Variants in GSG1L observed in about 807,000 individuals in gnomAD.
GSG1L encodes germ cell-specific gene 1-like protein.
Under a neutral mutation model 42.1 loss-of-function variants are expected in GSG1L, and 24 were observed. The observed-to-expected ratio is 0.57, with a 90% CI of 0.41 to 0.80. GSG1L has a LOEUF of 0.80. Among genes scored for constraint, GSG1L ranks in the 30% least tolerant of loss-of-function variants. The probability of loss-of-function intolerance (pLI) is 0.00; values close to 1 mark genes in which losing one functional copy is unlikely to be tolerated. For synonymous variants in GSG1L, 215 were observed against 203.5 expected (o/e 1.06, Z -0.48); for missense variants, 445 against 472.2 (o/e 0.94, Z 0.53).
Position 27,946,579 on chromosome 16 carries a change from AAGAGAGAGAGAG to A in GSG1L, c.397+16565_397+16576del, listed in dbSNP as rs1166800286. On this transcript the variant is annotated intron_variant, in intron 2 of 6. Transcript: ENST00000447459. ...AAAGAAAGAAAGAAAGAAAGAAAGA[AAGAGAGAGAGAG>A]AGAGAGAGAGAGAGAGAGAGAGAGA... 1.0e-3 allele frequency among the ~76,000 whole-genome samples: 37 copies of A among 37,028 alleles called. No individual in the cohort carries two copies. The South Asian group carries it at 0.012, about 12-fold the overall frequency. 24.3% of individuals were successfully genotyped at this position (37,028 alleles called of 152,430 possible).
At chr16:27,797,103 G>A (rs954212797) in intron 6 of GSG1L, among the ~76,000 whole-genome samples, 2 of 152,206 alleles carry the variant, frequency 1.3e-5, no homozygotes, top group Admixed American at 6.5e-5. Flanking sequence ...TGAGGAAACC[G>A]AGGTCCAGAT....
At chr16:28,012,973 CCATCACT>C (rs2141157826) in intron 1 of GSG1L, among the ~76,000 whole-genome samples, 1 of 150,638 alleles carries the variant, frequency 6.6e-6, no homozygotes, top group South Asian at 2.1e-4. Flanking sequence ...ACCTGTAATC[CCATCACT>C]TTGGGAGGCC....
chr16:28,063,074 A>G lies in GSG1L; in HGVS notation c.349+2T>C. On this transcript the variant is annotated splice_donor_variant, in intron 1 of 6. Transcript: ENST00000447459. LOFTEE classifies it high-confidence loss of function. This position sits in a 1 kb window ranked among gnomAD's most constrained non-coding sequence, Gnocchi z 5.8. The stretch of plus-strand genomic sequence containing the variant: ...AGCTGGCCGCCGCCCGCGCGCACTC[A>G]CCAAGCCCGCTGAGCTCCTCCTCGC... The G allele has an allele frequency of 7.0e-7, 1 of 1,423,370 alleles. No homozygotes were observed. The allele number at this position is 1,423,370 out of a possible 1,614,324, so 88.2% of individuals were successfully genotyped here. A position where few individuals can be genotyped will look rare whatever the true frequency, so the allele number is the denominator to read the frequency against.
intron 1 of GSG1L, among the ~76,000 whole-genome samples, chr16:28,039,371 T>C (rs1424762014): frequency 6.6e-6 from 1 of 152,180 alleles, no homozygotes; most frequent in Non-Finnish European, 1.5e-5. Flanking sequence ...GAGAGATTCA[T>C]GGGTGCCACT....
chr16:27,946,596 AGAGAGAGAGAGAGAGAGAGAG>A (rs2084866328), intron 2 of GSG1L, among the ~76,000 whole-genome samples: 1 of 7,804 alleles, frequency 1.3e-4, no homozygotes, highest in African/African-American at 5.2e-4. Flanking sequence ...AGAGAGAGAG[AGAGAGAGAGAGAGAGAGAGAG>A]AGAGAGAGAG....
rs147840747 is a variant in GSG1L at position 27,987,732 on chromosome 16, A to C, written c.350-24529T>G. 8.6e-3 allele frequency among the ~76,000 whole-genome samples: 1,308 copies of C among 152,192 alleles called. 13 individuals are homozygous for C. Among genetic ancestry groups the C allele is most frequent in the African/African-American group, 0.029 (1,193 of 41,540 alleles). On this transcript the variant is annotated intron_variant, in intron 1 of 6. Transcript: ENST00000447459. ...GGGAGGCCGAGGCGGGCGGATCACG[A>C]GGTCAGGAAATCGAGACCATCTTGG...
At chr16:27,840,422 T>C (rs1251840123) in intron 4 of GSG1L, among the ~76,000 whole-genome samples, 1 of 152,090 alleles carries the variant, frequency 6.6e-6, no homozygotes, top group Non-Finnish European at 1.5e-5. Context: ...ACTTGGTCCC[T>C]GCCACGTTAA....
At chr16:28,003,123 C>T (rs1290142035) in intron 1 of GSG1L, among the ~76,000 whole-genome samples, 1 of 152,156 alleles carries the variant, frequency 6.6e-6, no homozygotes, top group Non-Finnish European at 1.5e-5. Flanking sequence ...TGCTCAGCCT[C>T]GTGCTGGGGC....
intron 5 of GSG1L, among the ~76,000 whole-genome samples, chr16:27,824,740 G>A (rs909210714): frequency 2.1e-4 from 32 of 152,160 alleles, no homozygotes; most frequent in Non-Finnish European, 4.3e-4. Flanking sequence ...TTGGAACTGG[G>A]GCACCAGCAA....
intron 1 of GSG1L, among the ~76,000 whole-genome samples, chr16:28,005,470 A>G (rs936715786): frequency 9.2e-5 from 14 of 152,152 alleles, no homozygotes; most frequent in South Asian, 2.1e-4. Context: ...GTATTTCTGC[A>G]TTTCCCCATT....
At chr16:27,841,448 G>A (rs919864718) in intron 4 of GSG1L, among the ~76,000 whole-genome samples, 1 of 152,214 alleles carries the variant, frequency 6.6e-6, no homozygotes, top group Non-Finnish European at 1.5e-5. Flanking sequence ...CCAGCTTCCA[G>A]AGACCCTGCA....
chr16:27,885,350 T>C (rs967142843), intron 2 of GSG1L, among the ~76,000 whole-genome samples: 5 of 152,092 alleles, frequency 3.3e-5, no homozygotes, highest in Admixed American at 1.3e-4. Flanking sequence ...GGTCTCGCCA[T>C]ATTGCCCAGG....
chr16:27,880,989 A>G (rs1370093954), intron 3 of GSG1L, among the ~76,000 whole-genome samples: 1 of 151,750 alleles, frequency 6.6e-6, no homozygotes, highest in Admixed American at 6.6e-5. Context: ...TCTTGGTTAG[A>G]TCACTGCTCA....
intron 2 of GSG1L, among the ~76,000 whole-genome samples, chr16:27,934,739 T>C (rs546428731): frequency 1.1e-4 from 16 of 152,250 alleles, no homozygotes; most frequent in African/African-American, 3.6e-4. Context: ...GGGTGTCACA[T>C]GCTTAGCCTC....
At chr16:27,809,603 T>C in intron 5 of GSG1L, among the ~76,000 whole-genome samples, 1 of 151,986 alleles carries the variant, frequency 6.6e-6, no homozygotes, top group East Asian at 1.9e-4. Context: ...CAATCATTAT[T>C]GTCTCTCCTA....
rs555614451 is a variant in GSG1L, at chr16:28,040,539, A to G, written c.349+22537T>C. 6.6e-6 allele frequency among the ~76,000 whole-genome samples: 1 copy of G among 152,356 alleles called. No homozygotes were observed. Among genetic ancestry groups the G allele is most frequent in the East Asian group, 1.9e-4 (1 of 5,190 alleles). ...TCAATAATAATAATAATAGAAAAAA[A>G]TGGTGCCTGGCATACAGTATGCACT... On this transcript the variant is annotated intron_variant, in intron 1 of 6. Coordinates refer to ENST00000447459, the MANE Select transcript of GSG1L (RefSeq NM_001109763.2). The surrounding 1 kb of genome is among the most constrained non-coding windows in gnomAD (Gnocchi z 4.1).
rs138437618 is a variant in GSG1L at position 27,810,530 on chromosome 16, C to T, written c.831-2976G>A. On this transcript the variant is annotated intron_variant, in intron 5 of 6. Transcript: ENST00000447459. Reference sequence around the variant, plus strand: ...CACAAGGACTGTCTGCACCAAGGGGCTAGGCCTGTACTTCCCAGGGAACAT... The same window carrying T: ...CACAAGGACTGTCTGCACCAAGGGGTTAGGCCTGTACTTCCCAGGGAACAT... 4.3e-4 allele frequency among the ~76,000 whole-genome samples: 65 copies of T among 152,240 alleles called. 1 individual carries two copies. The East Asian group carries it at 8.9e-3, about 21-fold the overall frequency.
chr16:27,907,900 C>T (rs935075852), intron 2 of GSG1L, among the ~76,000 whole-genome samples: 1 of 152,234 alleles, frequency 6.6e-6, no homozygotes, highest in Non-Finnish European at 1.5e-5. Flanking sequence ...CTTGCCCATG[C>T]TCCACAAACT....
At chr16:27,994,413 G>A (rs1309608029) in intron 1 of GSG1L, among the ~76,000 whole-genome samples, 2 of 152,130 alleles carry the variant, frequency 1.3e-5, no homozygotes, top group Non-Finnish European at 2.9e-5. Context: ...AAAAGAAAAC[G>A]TCAGTTTTCT....
Sources: gnomAD v4.1 joint callset for allele counts (sites outside exome capture counted in the v4.1 genomes callset) on GRCh38, gnomAD v4.1.1 for gene constraint, Gnocchi (gnomAD v3.1) non-coding constraint, MANE v1.5 for transcripts, NCBI Gene and HGNC (gene_info 2026-07-23, HGNC 2026-07-21) for gene names.